PPP2R2C: variants seen among roughly 807,000 people sequenced by gnomAD.
PPP2R2C encodes protein phosphatase 2, regulatory subunit B, gamma.
In PPP2R2C, 10 loss-of-function variants were observed where a neutral mutation model predicts 45.3. The observed-to-expected ratio is 0.22, with a 90% CI of 0.14 to 0.37. The LOEUF is 0.37. Among genes scored for constraint, PPP2R2C ranks in the 10% least tolerant of loss-of-function variants. The probability of loss-of-function intolerance (pLI) is 1.00; values close to 1 mark genes in which losing one functional copy is unlikely to be tolerated. For missense variants in PPP2R2C, 308 were observed against 619.7 expected, an observed-to-expected ratio of 0.50 and a Z score of 5.34; for synonymous variants, 257 against 245.4, an observed-to-expected ratio of 1.05 and a Z score of -0.44.
chr4:6,430,177 T>C (rs895787354), intron 1 of PPP2R2C, among the ~76,000 whole-genome samples: 1 of 152,184 alleles, frequency 6.6e-6, no homozygotes, highest in East Asian at 1.9e-4. Context: ...CCAAGATCAC[T>C]GAAAGCAGCC....
Position 6,511,585 on chromosome 4 carries a change from GT to G in PPP2R2C, c.49+23685del, listed in dbSNP as rs1723507864. On this transcript the variant is annotated intron_variant, in intron 2 of 9. Coordinates refer to the PPP2R2C transcript ENST00000506140. ...GGTGGTGGTGGTGATGGCGGTGGTG[GT>G]GGTGGTGGTGATGGGGGTGGTGGTG... is the stretch of plus-strand genomic sequence containing the variant. Among the ~76,000 whole-genome samples, 11 of 74,106 alleles carry G rather than the reference GT, an allele frequency of 1.5e-4. 2 individuals are homozygous for G. The highest frequency in any genetic ancestry group is 3.0e-4 in the Non-Finnish European group (11 of 37,022). The allele number at this position is 74,106 out of a possible 152,430, so 48.6% of individuals were successfully genotyped here.
At chr4:6,351,547 G>T (rs941960133) in intron 5 of PPP2R2C, among the ~76,000 whole-genome samples, 1 of 152,132 alleles carries the variant, frequency 6.6e-6, no homozygotes, top group South Asian at 2.1e-4. Context: ...CAGGACCCAT[G>T]GGGGAGCCAT....
chr4:6,485,391 A>G (rs1403268528), intron 2 of PPP2R2C, among the ~76,000 whole-genome samples: 1 of 151,892 alleles, frequency 6.6e-6, no homozygotes, highest in Non-Finnish European at 1.5e-5. Context: ...TCTGCCCCAC[A>G]GAATGATTTG....
intron 1 of PPP2R2C, among the ~76,000 whole-genome samples, chr4:6,394,713 C>A (rs1453789136): frequency 1.3e-5 from 2 of 152,254 alleles, no homozygotes; most frequent in African/African-American, 4.8e-5. Flanking sequence ...GATGGCCTGG[C>A]TGGCTTCTGT....
At chr4:6,360,827 G>C (rs866414922) in intron 5 of PPP2R2C, among the ~76,000 whole-genome samples, 2 of 152,206 alleles carry the variant, frequency 1.3e-5, no homozygotes, top group African/African-American at 2.4e-5. Context: ...GAGGTCCGAA[G>C]TCCAATAACA....
chr4:6,325,820 A>C (rs763672837), intron 8 of PPP2R2C, among the ~76,000 whole-genome samples: 1 of 152,210 alleles, frequency 6.6e-6, no homozygotes, highest in Non-Finnish European at 1.5e-5. Flanking sequence ...CCTCATCTGC[A>C]TGTGGGACCA....
intron 2 of PPP2R2C, among the ~76,000 whole-genome samples, chr4:6,488,682 T>TA (rs58449180): frequency 0.47 from 71,925 of 151,778 alleles, 17,475 homozygotes; most frequent in Non-Finnish European, 0.52. Flanking sequence ...AAACCCTGTC[T>TA]AAAAAAACAA....
chr4:6,537,635 C>T (rs1724674987), intron 1 of PPP2R2C, among the ~76,000 whole-genome samples: 1 of 150,700 alleles, frequency 6.6e-6, no homozygotes, highest in Non-Finnish European at 1.5e-5. Context: ...ACTGTAAGCT[C>T]CGCCTCCCAG....
At chr4:6,371,011 G>A (rs548334533) in intron 5 of PPP2R2C, among the ~76,000 whole-genome samples, 17 of 152,358 alleles carry the variant, frequency 1.1e-4, no homozygotes, top group Admixed American at 3.3e-4. Flanking sequence ...AGAAGGGAGA[G>A]AGATGCTGAT....
intron 1 of PPP2R2C, among the ~76,000 whole-genome samples, chr4:6,392,707 G>C (rs1041828202): frequency 2.0e-5 from 3 of 152,208 alleles, no homozygotes; most frequent in African/African-American, 7.2e-5. Flanking sequence ...GGCCGGGAGA[G>C]GCCTGAGCAT....
At chr4:6,366,738 C>T (rs999317871) in intron 5 of PPP2R2C, among the ~76,000 whole-genome samples, 1 of 152,144 alleles carries the variant, frequency 6.6e-6, no homozygotes, top group Non-Finnish European at 1.5e-5. Context: ...GAAGGGATGG[C>T]GGATGGCAGT....
At chr4:6,511,891 GTGA>G (rs576732783) in intron 2 of PPP2R2C, among the ~76,000 whole-genome samples, 1 of 62,716 alleles carries the variant, frequency 1.6e-5, no homozygotes, top group African/African-American at 5.8e-5. Flanking sequence ...GGTGGTGGTG[GTGA>G]TGGTGGTGGT....
chr4:6,474,128 GA>G (rs1722050669), upstream of PPP2R2C, among the ~76,000 whole-genome samples: 1 of 152,102 alleles, frequency 6.6e-6, no homozygotes, highest in African/African-American at 2.4e-5. Context: ...GAAAGTGACC[GA>G]CACCCACATT....
rs577759385 is a variant in PPP2R2C, at chr4:6,382,137, G to A, written c.71-1043C>T. On this transcript the variant is annotated intron_variant, in intron 1 of 8. Transcript: ENST00000382599. The stretch of plus-strand genomic sequence containing the variant: ...CATTCTTAATATTTGAAAAGTAGAA[G>A]ATTTCCTATAAAAATCCACATTTCC... 4.0e-6 allele frequency: 5 copies of A among 1,241,544 alleles called. No individual in the cohort carries two copies. The Admixed American group carries it at 1.9e-4, about 48-fold the overall frequency. 76.9% of individuals were successfully genotyped at this position (1,241,544 alleles called of 1,614,324 possible). A position where few individuals can be genotyped will look rare whatever the true frequency, so the allele number is the denominator to read the frequency against.
At chr4:6,386,717 A>G (rs936203441) in intron 1 of PPP2R2C, among the ~76,000 whole-genome samples, 2 of 152,218 alleles carry the variant, frequency 1.3e-5, no homozygotes, top group African/African-American at 4.8e-5. Flanking sequence ...AGAAATAGGA[A>G]AACCAGCCAT....
At chr4:6,350,992 G>C (rs1712499528) in intron 5 of PPP2R2C, 1 of 985,214 alleles carries the variant, frequency 1.0e-6, no homozygotes, top group Non-Finnish European at 1.2e-6. Context: ...CCCACCTGGG[G>C]ATGTTTCAGA....
At chr4:6,470,817 C>G (rs1721829925) in intron 1 of PPP2R2C, among the ~76,000 whole-genome samples, 2 of 152,140 alleles carry the variant, frequency 1.3e-5, no homozygotes, top group African/African-American at 4.8e-5. Context: ...AGCCCTGCCC[C>G]TCTCTCGCAC....
chr4:6,508,940 T>C (rs1319401343), intron 2 of PPP2R2C, among the ~76,000 whole-genome samples: 2 of 152,206 alleles, frequency 1.3e-5, no homozygotes, highest in Non-Finnish European at 2.9e-5. Flanking sequence ...AACAGCACAC[T>C]TGGCCCTCTT....
chr4:6,535,479 C>T (rs1437429589), intron 1 of PPP2R2C: 3 of 786,282 alleles, frequency 3.8e-6, no homozygotes, highest in Non-Finnish European at 5.9e-6. Flanking sequence ...CCCACGGCCG[C>T]CCTGGCCGCC....
Sources: allele counts gnomAD v4.1 joint callset (sites outside exome capture counted in the v4.1 genomes callset), GRCh38; gene constraint gnomAD v4.1.1; transcripts MANE v1.5; gene names NCBI Gene and HGNC (gene_info 2026-07-23, HGNC 2026-07-21).